The following TBC1D2B variants were observed in gnomAD, a reference collection of about 807,000 sequenced individuals.
TBC1D2B encodes the protein TBC1 domain family member 2B, also known as TBC1 domain family, member 2B.
Under a neutral mutation model 100.8 loss-of-function variants are expected in TBC1D2B, and 64 were observed. That is an observed-to-expected ratio of 0.64 (90% CI 0.52 to 0.78). The LOEUF is 0.78. Ranked by LOEUF, TBC1D2B falls within the 30% of genes least tolerant of loss-of-function variation. TBC1D2B has a pLI of 0.00. For synonymous variants in TBC1D2B, 480 were observed against 479.7 expected (o/e 1.00, Z -0.01); for missense variants, 1,052 against 1,218.4 (o/e 0.86, Z 2.03).
In TBC1D2B at chr15:78,031,679, T is replaced by C. The variant is rs80002789; in HGVS notation, c.684-1509A>G. On this transcript the variant is annotated intron_variant, in intron 3 of 12. Transcript: ENST00000300584. ...TGGCTATCTGAGTAATCAATATACT[T>C]GTCTGTGTGCTAAAAATATTTCATT... Among the ~76,000 whole-genome samples the C allele has an allele frequency of 2.0e-4, 31 of 151,948 alleles. 1 individual carries two copies. The East Asian group carries it at 6.0e-3, about 29-fold the overall frequency.
chr15:78,054,894 T>C (rs1175799107), intron 1 of TBC1D2B, among the ~76,000 whole-genome samples: 1 of 152,204 alleles, frequency 6.6e-6, no homozygotes. Flanking sequence ...TGAATGTTTA[T>C]AGAGGTTTTA....
chr15:78,016,050 T>G (rs2072365359), intron 8 of TBC1D2B, among the ~76,000 whole-genome samples: 1 of 152,152 alleles, frequency 6.6e-6, no homozygotes, highest in Admixed American at 6.5e-5. Flanking sequence ...TTTCTCCTGG[T>G]TCAAGTATTT....
chr15:78,074,935 A>G (rs2141853154), intron 1 of TBC1D2B, among the ~76,000 whole-genome samples: 1 of 152,192 alleles, frequency 6.6e-6, no homozygotes, highest in East Asian at 1.9e-4. Flanking sequence ...TTCATATGCC[A>G]TGTAGTGCCT....
intron 12 of TBC1D2B, 36 bp downstream of exon 12, chr15:78,001,583 G>A (rs1259216344): frequency 6.3e-7 from 1 of 1,584,256 alleles, no homozygotes; most frequent in South Asian, 1.2e-5. Context: ...CAGGCTTCCT[G>A]CTCTCCTTGA....
intron 6 of TBC1D2B, among the ~76,000 whole-genome samples, chr15:78,021,094 G>C (rs568176189): frequency 1.3e-5 from 2 of 152,144 alleles, no homozygotes; most frequent in South Asian, 4.1e-4. Flanking sequence ...AAATCACTAG[G>C]GTGGCAAAAT....
chr15:78,071,937 T>C (rs2073748272), intron 1 of TBC1D2B, among the ~76,000 whole-genome samples: 1 of 152,244 alleles, frequency 6.6e-6, no homozygotes, highest in South Asian at 2.1e-4. Context: ...GCGGGGGCCC[T>C]CTTCCTGGTT....
intron 1 of TBC1D2B, among the ~76,000 whole-genome samples, chr15:78,070,451 C>CA (rs1278252244): frequency 3.3e-5 from 5 of 152,206 alleles, no homozygotes; most frequent in Non-Finnish European, 5.9e-5. Flanking sequence ...CTGTCCCCCC[C>CA]ACCTACTGAA....
At chr15:78,045,122 G>A in intron 2 of TBC1D2B, 54 bp from the exon 3 acceptor site, 2 of 1,514,028 alleles carry the variant, frequency 1.3e-6, no homozygotes, top group South Asian at 1.2e-5. Flanking sequence ...CACGAAACTT[G>A]ACATCCCACA....
At chr15:78,051,234 T>C (rs749704124) in intron 2 of TBC1D2B, among the ~76,000 whole-genome samples, 14 of 152,232 alleles carry the variant, frequency 9.2e-5, no homozygotes, top group Non-Finnish European at 1.9e-4. Context: ...AACATAATGC[T>C]AACCCTTTCA....
At chr15:78,058,328 G>A (rs2073469404) in intron 1 of TBC1D2B, among the ~76,000 whole-genome samples, 1 of 152,158 alleles carries the variant, frequency 6.6e-6, no homozygotes, top group Non-Finnish European at 1.5e-5. Flanking sequence ...ACGGGGGTGT[G>A]GGGCAGCCAA....
At chr15:78,048,391 C>T (rs570891500) in intron 2 of TBC1D2B, among the ~76,000 whole-genome samples, 4 of 152,258 alleles carry the variant, frequency 2.6e-5, no homozygotes, top group East Asian at 3.9e-4. Context: ...TGCAGGAAAC[C>T]GCCTCAAGGA....
intron 3 of TBC1D2B, among the ~76,000 whole-genome samples, chr15:78,042,200 T>A (rs2073105340): frequency 1.3e-5 from 2 of 152,216 alleles, no homozygotes; most frequent in Non-Finnish European, 1.5e-5. Context: ...ATCATCCATG[T>A]TCCTATGCTC....
rs1360896201 is a variant in TBC1D2B, at chr15:78,025,347, A to G, written c.998T>C (p.Ile333Thr). The G allele has an allele frequency of 3.7e-6, 6 of 1,613,700 alleles. No homozygotes were observed. The highest frequency in any genetic ancestry group is 4.2e-6 in the Non-Finnish European group (5 of 1,179,870). The change falls in exon 5 of 13, where the codon ATC becomes ACC. Residue 333 changes from isoleucine to threonine, a missense_variant. Transcript: ENST00000300584. The part of the protein sequence containing the change: ...EGTSGSGSVS[I>T]RKPASEMQLQ... ...TTGCATTTCGGAGGCCGGCTTCCTG[A>G]TGCTGACGCTGCCACTGCCTGATGT...
intron 1 of TBC1D2B, among the ~76,000 whole-genome samples, chr15:78,075,715 G>A (rs942317524): frequency 2.6e-5 from 4 of 152,176 alleles, no homozygotes; most frequent in Non-Finnish European, 5.9e-5. Context: ...TGCAACCCGA[G>A]TTGGTTTTCT....
chr15:78,013,535 A>T (rs1446750162), intron 8 of TBC1D2B, among the ~76,000 whole-genome samples: 3 of 152,154 alleles, frequency 2.0e-5, no homozygotes. Context: ...TATCTACTTG[A>T]CACTATACAG....
At position 78,051,807 on chromosome 15, in the gene TBC1D2B, C is replaced by G. The variant is rs959490467; in HGVS notation, c.514+2227G>C. Among the ~76,000 whole-genome samples the G allele has an allele frequency of 3.3e-5, 5 of 152,172 alleles. No homozygotes were observed. In the South Asian group the frequency reaches 1.0e-3, roughly 32 times the overall value. ...TAACACATCACAATTTATCTTTGAA[C>G]CAGATTTTATCTCTGACGATAAAAC... On this transcript the variant is annotated intron_variant, in intron 2 of 12. Transcript: ENST00000300584.
intron 3 of TBC1D2B, chr15:78,034,500 C>T: frequency 1.0e-6 from 1 of 985,412 alleles, no homozygotes; most frequent in Non-Finnish European, 1.2e-6. Flanking sequence ...TCAAACTGTG[C>T]TCCTCAGCTC....
chr15:77,998,402 G>C, intron 12 of TBC1D2B, 47 bp from the exon 13 acceptor site: 1 of 1,509,362 alleles, frequency 6.6e-7, no homozygotes, highest in East Asian at 2.5e-5. Context: ...GCGCTCCAGA[G>C]AGTGCTCACA....
At chr15:78,068,460 G>A (rs1316812743) in intron 1 of TBC1D2B, among the ~76,000 whole-genome samples, 1 of 150,616 alleles carries the variant, frequency 6.6e-6, no homozygotes, top group South Asian at 2.1e-4. Flanking sequence ...TAGCCAACAA[G>A]CATCTAACAG....
Sources: allele counts gnomAD v4.1 joint callset (sites outside exome capture counted in the v4.1 genomes callset), GRCh38; gene constraint gnomAD v4.1.1; transcripts MANE v1.5; gene names NCBI Gene and HGNC (gene_info 2026-07-23, HGNC 2026-07-21).